The following GPC5 variants were observed in gnomAD, a reference collection of about 807,000 sequenced individuals.
GPC5 encodes glypican 5, also known as glypican-5.
Under a neutral mutation model 53.9 loss-of-function variants are expected in GPC5, and 47 were observed. That is an observed-to-expected ratio of 0.87 (90% CI 0.69 to 1.11). The LOEUF (loss-of-function observed/expected upper bound fraction) is 1.11. Among genes scored for constraint, GPC5 ranks in the 50% most tolerant of loss-of-function variants. The probability of loss-of-function intolerance (pLI) is 0.00; values close to 1 mark genes in which losing one functional copy is unlikely to be tolerated. For missense variants in GPC5, 748 were observed against 713.1 expected (o/e 1.05, Z -0.56); for synonymous variants, 286 against 263.3 (o/e 1.09, Z -0.84).
intron 7 of GPC5, among the ~76,000 whole-genome samples, chr13:92,810,777 G>C (rs1000446446): frequency 2.0e-5 from 3 of 152,034 alleles, no homozygotes; most frequent in Admixed American, 6.6e-5. Flanking sequence ...CTGGAATACA[G>C]TGGTGTGATC....
intron 2 of GPC5, among the ~76,000 whole-genome samples, chr13:91,503,417 G>A (rs1335669498): frequency 6.6e-6 from 1 of 152,016 alleles, no homozygotes; most frequent in African/African-American, 2.4e-5. Flanking sequence ...CAAATAAAAA[G>A]ACTTTTAAAA....
intron 7 of GPC5, among the ~76,000 whole-genome samples, chr13:92,331,461 T>C (rs1156935396): frequency 6.6e-6 from 1 of 152,096 alleles, no homozygotes. Context: ...GAAAAATAAA[T>C]AGTTTTCTCA....
At chr13:92,500,006 G>GA (rs534458155) in intron 7 of GPC5, among the ~76,000 whole-genome samples, 14 of 152,146 alleles carry the variant, frequency 9.2e-5, no homozygotes, top group African/African-American at 2.9e-4. Context: ...AGATAGATTG[G>GA]AAAAAAACAG....
chr13:92,342,038 A>C lies in GPC5; in HGVS notation c.1561+197049A>C, dbSNP rs117191006. Among the ~76,000 whole-genome samples, 55 of 152,194 alleles carry C rather than the reference A, an allele frequency of 3.6e-4. No homozygotes were observed. In the East Asian group the frequency reaches 8.7e-3, roughly 24 times the overall value. On this transcript the variant is annotated intron_variant, in intron 7 of 7. Transcript: ENST00000377067. ...CATTCTTTACCTTGATGATTAGTTT[A>C]ATATATTGGCTTCTCAATTCCCTGA...
At chr13:92,219,561 AT>A (rs937026539) in intron 7 of GPC5, among the ~76,000 whole-genome samples, 9 of 151,298 alleles carry the variant, frequency 5.9e-5, no homozygotes, top group African/African-American at 2.2e-4. Flanking sequence ...CCCCTCCCCC[AT>A]TTTTTTTGCA....
At chr13:92,654,050 A>G (rs1054369869) in intron 7 of GPC5, among the ~76,000 whole-genome samples, 1 of 152,238 alleles carries the variant, frequency 6.6e-6, no homozygotes, top group African/African-American at 2.4e-5. Flanking sequence ...GCACAGAGTC[A>G]GTACTAAATA....
chr13:92,222,911 T>A (rs1406717849), intron 7 of GPC5, among the ~76,000 whole-genome samples: 1 of 152,202 alleles, frequency 6.6e-6, no homozygotes, highest in African/African-American at 2.4e-5. Flanking sequence ...TATCAGTATG[T>A]ACCAGCTATT....
chr13:91,446,297 A>C (rs1203673245), intron 1 of GPC5, among the ~76,000 whole-genome samples: 1 of 152,200 alleles, frequency 6.6e-6, no homozygotes, highest in Non-Finnish European at 1.5e-5. Flanking sequence ...CGTATTAACC[A>C]CTACTGCTGC....
chr13:91,509,863 G>T (rs1027999506), intron 2 of GPC5, among the ~76,000 whole-genome samples: 1 of 151,938 alleles, frequency 6.6e-6, no homozygotes, highest in Non-Finnish European at 1.5e-5. Context: ...TTACTCTTTA[G>T]ATATAAAATG....
At chr13:91,979,502 A>G (rs891208183) in intron 6 of GPC5, among the ~76,000 whole-genome samples, 4 of 152,232 alleles carry the variant, frequency 2.6e-5, no homozygotes, top group African/African-American at 9.6e-5. Context: ...AAAATGGGCT[A>G]TATCGACCTT....
intron 6 of GPC5, among the ~76,000 whole-genome samples, chr13:92,102,730 A>G (rs943864637): frequency 4.6e-5 from 7 of 152,208 alleles, no homozygotes; most frequent in Non-Finnish European, 8.8e-5. Flanking sequence ...AAAGAACTGT[A>G]TATATGTAGA....
chr13:91,941,550 G>T (rs2039927487), intron 6 of GPC5, among the ~76,000 whole-genome samples: 1 of 151,960 alleles, frequency 6.6e-6, no homozygotes, highest in Non-Finnish European at 1.5e-5. Flanking sequence ...CCTCCATGTG[G>T]CCTCTTAGGT....
At chr13:91,586,527 TA>T (rs2032582103) in intron 2 of GPC5, among the ~76,000 whole-genome samples, 1 of 32,532 alleles carries the variant, frequency 3.1e-5, no homozygotes, top group Non-Finnish European at 4.9e-5. Flanking sequence ...TATATATATA[TA>T]TATATATATA....
chr13:91,712,798 G>A (rs1314750521), intron 3 of GPC5, among the ~76,000 whole-genome samples: 1 of 152,016 alleles, frequency 6.6e-6, no homozygotes, highest in Non-Finnish European at 1.5e-5. Flanking sequence ...GGACACTCCT[G>A]GCCATAGTTT....
At chr13:92,562,041 C>T (rs1882716678) in intron 7 of GPC5, among the ~76,000 whole-genome samples, 1 of 151,982 alleles carries the variant, frequency 6.6e-6, no homozygotes, top group South Asian at 2.1e-4. Flanking sequence ...TGATGTGTTG[C>T]ACAGTTTAAG....
intron 2 of GPC5, among the ~76,000 whole-genome samples, chr13:91,606,269 G>A (rs1052037388): frequency 0.075 from 11,303 of 149,878 alleles, 605 homozygotes; most frequent in South Asian, 0.23. Context: ...ATTGATTTGC[G>A]TATATTGAAC....
intron 3 of GPC5, among the ~76,000 whole-genome samples, chr13:91,716,415 C>A (rs2036340144): frequency 6.6e-6 from 1 of 152,138 alleles, no homozygotes; most frequent in Admixed American, 6.5e-5. Context: ...CCTTGACAAA[C>A]AATTGATACT....
rs373184769 is a variant in GPC5, at chr13:92,797,356, C to T, written c.1562-68926C>T. Among the ~76,000 whole-genome samples, 29 of 151,976 alleles carry T rather than the reference C, an allele frequency of 1.9e-4. 1 individual carries two copies. The East Asian group carries it at 3.5e-3, about 18-fold the overall frequency. ...TCTGTTACTGTACCTTTGACTCCATCCCCATTAACCTGTTTCTTGATTTAT... is the reference window on the plus strand; with the variant it reads ...TCTGTTACTGTACCTTTGACTCCATTCCCATTAACCTGTTTCTTGATTTAT... On this transcript the variant is annotated intron_variant, in intron 7 of 7. Coordinates refer to ENST00000377067, the MANE Select transcript of GPC5 (RefSeq NM_004466.6).
intron 7 of GPC5, among the ~76,000 whole-genome samples, chr13:92,833,083 T>C (rs1878104688): frequency 6.6e-6 from 1 of 152,182 alleles, no homozygotes; most frequent in African/African-American, 2.4e-5. Flanking sequence ...TAGAGACTAC[T>C]GGAAATTAAA....
Sources: allele counts gnomAD v4.1 joint callset (sites outside exome capture counted in the v4.1 genomes callset), GRCh38; gene constraint gnomAD v4.1.1; transcripts MANE v1.5; gene names NCBI Gene and HGNC (gene_info 2026-07-23, HGNC 2026-07-21).